The following MMS22L variants were observed in gnomAD, a reference collection of about 807,000 sequenced individuals.
MMS22L encodes the protein protein MMS22-like.
Under a neutral mutation model 159.1 loss-of-function variants are expected in MMS22L, and 74 were observed. The ratio of observed to expected loss-of-function variants is 0.47; its 90% CI spans 0.39 to 0.56. The LOEUF is 0.56. Ranked by LOEUF, MMS22L falls within the 20% of genes least tolerant of loss-of-function variation. MMS22L has a pLI of 0.00. For missense variants in MMS22L, 1,351 were observed against 1,422.1 expected (o/e 0.95, Z 0.80); for synonymous variants, 517 against 506.9 (o/e 1.02, Z -0.27).
At chr6:97,210,327 C>G (rs1055396395) in intron 14 of MMS22L, among the ~76,000 whole-genome samples, 3 of 151,898 alleles carry the variant, frequency 2.0e-5, no homozygotes, top group African/African-American at 7.2e-5. Context: ...CTATCCCCTT[C>G]ACTTTGAATC....
intron 10 of MMS22L, among the ~76,000 whole-genome samples, chr6:97,253,161 G>A (rs1172999921): frequency 2.0e-5 from 3 of 152,068 alleles, no homozygotes; most frequent in African/African-American, 4.8e-5. Context: ...ACTATATTCT[G>A]GGATCTCCTA....
chr6:97,274,531 A>AT (rs1816065995), intron 4 of MMS22L, among the ~76,000 whole-genome samples: 1 of 152,144 alleles, frequency 6.6e-6, no homozygotes, highest in East Asian at 1.9e-4. Context: ...ACAAGACAAT[A>AT]TAAGATTGCT....
intron 14 of MMS22L, among the ~76,000 whole-genome samples, chr6:97,208,645 G>A (rs1333584693): frequency 1.3e-5 from 2 of 151,914 alleles, no homozygotes; most frequent in Admixed American, 6.6e-5. Flanking sequence ...TCAAGCAGAC[G>A]GATTAAGGGA....
intron 14 of MMS22L, among the ~76,000 whole-genome samples, chr6:97,201,840 T>C (rs1261237016): frequency 1.3e-5 from 2 of 152,226 alleles, no homozygotes; most frequent in African/African-American, 4.8e-5. Flanking sequence ...ATTGACAGAA[T>C]AGAAATGACT....
At chr6:97,256,602 C>T (rs1255653164) in intron 9 of MMS22L, among the ~76,000 whole-genome samples, 1 of 152,156 alleles carries the variant, frequency 6.6e-6, no homozygotes, top group Non-Finnish European at 1.5e-5. Flanking sequence ...GGATATCATT[C>T]CCACTGGCCT....
chr6:97,229,204 A>G lies in MMS22L; in HGVS notation c.1729T>C (p.Phe577Leu), dbSNP rs114537414. The G allele has an allele frequency of 1.4e-4, 233 of 1,614,136 alleles. No homozygotes were observed. In the African/African-American group the frequency reaches 2.9e-3, roughly 20 times the overall value. The change falls in exon 14 of 25, where the codon TTC (phenylalanine) becomes CTC (leucine). Residue 577 changes from phenylalanine (F) to leucine (L), a missense_variant. Coordinates refer to ENST00000683635, the MANE Select transcript of MMS22L (RefSeq NM_001350599.2). ...RALIWKGHMA[F>L]LLMYAQKNLD... is the part of the protein sequence containing the mutation. ...TTTTTCTGGGCATACATCAAGAGGA[A>G]GGCCATGTGACCCTTCCAAATGAGG... is the stretch of plus-strand genomic sequence containing the variant.
intron 14 of MMS22L, among the ~76,000 whole-genome samples, chr6:97,223,202 C>T (rs1266961483): frequency 6.6e-6 from 1 of 152,022 alleles, no homozygotes; most frequent in Admixed American, 6.6e-5. Flanking sequence ...ATCCTTCCTA[C>T]CTATAATTTC....
At chr6:97,153,090 C>A (rs928953203) in intron 22 of MMS22L, among the ~76,000 whole-genome samples, 1 of 152,052 alleles carries the variant, frequency 6.6e-6, no homozygotes, top group Non-Finnish European at 1.5e-5. Flanking sequence ...GATCCTCCCA[C>A]CTTGGCGTCC....
At chr6:97,278,599 A>T (rs1328570484) in intron 4 of MMS22L, among the ~76,000 whole-genome samples, 1 of 152,148 alleles carries the variant, frequency 6.6e-6, no homozygotes, top group African/African-American at 2.4e-5. Context: ...AACAAGTACT[A>T]ATTCTCTTCA....
At chr6:97,173,270 A>C (rs773536366) in intron 18 of MMS22L, 48 bp from the exon 19 acceptor site, 2 of 1,551,796 alleles carry the variant, frequency 1.3e-6, no homozygotes, top group African/African-American at 2.8e-5. Flanking sequence ...TTTATACCAT[A>C]AAGATTTGGA....
chr6:97,176,138 T>C (rs1804092584), intron 18 of MMS22L, among the ~76,000 whole-genome samples: 1 of 152,186 alleles, frequency 6.6e-6, no homozygotes, highest in Admixed American at 6.6e-5. Context: ...AACTGGCTTT[T>C]TCTTCTGTAA....
chr6:97,278,820 C>A, intron 4 of MMS22L, 29 bp downstream of exon 4: 1 of 1,601,386 alleles, frequency 6.2e-7, no homozygotes, highest in South Asian at 1.1e-5. Flanking sequence ...GCACCATTCC[C>A]TTTTGCATTA....
intron 11 of MMS22L, among the ~76,000 whole-genome samples, chr6:97,236,267 C>T (rs953662321): frequency 5.6e-5 from 8 of 143,790 alleles, no homozygotes; most frequent in East Asian, 2.0e-4. Context: ...AGGAGCCAGA[C>T]GTTGCAGTGA....
intron 9 of MMS22L, among the ~76,000 whole-genome samples, chr6:97,262,203 A>G (rs4341011): frequency 6.6e-6 from 1 of 152,326 alleles, no homozygotes; most frequent in African/African-American, 2.4e-5. Flanking sequence ...TCAAATTTAC[A>G]CAATTCAGCA....
intron 12 of MMS22L, among the ~76,000 whole-genome samples, chr6:97,233,468 A>G (rs1811077299): frequency 1.3e-5 from 2 of 152,216 alleles, no homozygotes; most frequent in South Asian, 2.1e-4. Flanking sequence ...TTTTCCCACA[A>G]TGTATGTATA....
At chr6:97,247,713 G>A (rs758422485) in intron 10 of MMS22L, among the ~76,000 whole-genome samples, 4 of 151,654 alleles carry the variant, frequency 2.6e-5, no homozygotes, top group Non-Finnish European at 5.9e-5. Context: ...ACAAGACTTC[G>A]TCTCAGAAAA....
intron 22 of MMS22L, among the ~76,000 whole-genome samples, chr6:97,156,514 C>G (rs184335962): frequency 2.8e-3 from 422 of 152,268 alleles, no homozygotes; most frequent in Non-Finnish European, 4.4e-3. Context: ...AGGAATGGAT[C>G]CAGTTTCAGT....
intron 12 of MMS22L, among the ~76,000 whole-genome samples, chr6:97,232,178 T>C (rs567010848): frequency 6.6e-6 from 1 of 152,280 alleles, no homozygotes; most frequent in Non-Finnish European, 1.5e-5. Flanking sequence ...GTAGTTCCTA[T>C]TGCATTTAGT....
At chr6:97,256,307 T>C (rs1369657197) in intron 9 of MMS22L, among the ~76,000 whole-genome samples, 3 of 152,176 alleles carry the variant, frequency 2.0e-5, no homozygotes, top group East Asian at 3.9e-4. Context: ...GTAGCTCATT[T>C]ATGTCCTACT....
Sources: allele counts gnomAD v4.1 joint callset (sites outside exome capture counted in the v4.1 genomes callset), GRCh38; gene constraint gnomAD v4.1.1; transcripts MANE v1.5; gene names NCBI Gene and HGNC (gene_info 2026-07-23, HGNC 2026-07-21).